Variants in CHLSN observed in about 807,000 individuals in gnomAD.
The protein encoded by CHLSN is cholesin.
the CHLSN span, among the ~76,000 whole-genome samples, chr7:1,117,800 G>A: frequency 0.53 from 79,957 of 150,752 alleles, 22,017 homozygotes; most frequent in African/African-American, 0.67. Context: ...ACATCGCTAC[G>A]GCTCTACCGA....
the CHLSN span, among the ~76,000 whole-genome samples, chr7:1,000,862 G>C: frequency 3.9e-5 from 6 of 152,228 alleles, no homozygotes; most frequent in Non-Finnish European, 4.4e-5. Context: ...GATTTTACAG[G>C]GGGGGAAGGA....
chr7:1,070,981 CA>C, the CHLSN span, among the ~76,000 whole-genome samples: 1 of 151,392 alleles, frequency 6.6e-6, no homozygotes, highest in African/African-American at 2.4e-5. Flanking sequence ...GGCACATGCA[CA>C]CGGGCACACA....
chr7:1,100,402 G>A, the CHLSN span, among the ~76,000 whole-genome samples: 1 of 152,264 alleles, frequency 6.6e-6, no homozygotes, highest in Admixed American at 6.5e-5. Context: ...AGCCACACCT[G>A]TGGGTGCAGG....
chr7:1,019,958 C>A, the CHLSN span, among the ~76,000 whole-genome samples: 3 of 152,230 alleles, frequency 2.0e-5, no homozygotes, highest in Non-Finnish European at 4.4e-5. Context: ...CCACGGGGCA[C>A]CTGGACGAGG....
the CHLSN span, among the ~76,000 whole-genome samples, chr7:1,086,110 G>A: frequency 0.017 from 2,624 of 152,320 alleles, 91 homozygotes; most frequent in East Asian, 0.17. Context: ...CCACTCGCCC[G>A]CCCAGGGCAG....
the CHLSN span, among the ~76,000 whole-genome samples, chr7:1,019,819 G>A: frequency 1.3e-5 from 2 of 152,338 alleles, no homozygotes; most frequent in East Asian, 3.9e-4. Flanking sequence ...GGGCTGCCTG[G>A]GGTCACCCAC....
the CHLSN span, among the ~76,000 whole-genome samples, chr7:1,103,076 G>A: frequency 6.6e-6 from 1 of 152,350 alleles, no homozygotes; most frequent in Non-Finnish European, 1.5e-5. Context: ...GCGGGCCGGG[G>A]TCTGGATGGG....
chr7:1,066,775 A>C, the CHLSN span, among the ~76,000 whole-genome samples: 4 of 152,290 alleles, frequency 2.6e-5, no homozygotes, highest in East Asian at 7.7e-4. Context: ...ACATGCCCCA[A>C]AGGAGAGGGT....
At chr7:985,159 C>A in the CHLSN span, 10 of 1,589,236 alleles carry the variant, frequency 6.3e-6, no homozygotes, top group Non-Finnish European at 8.6e-6. Flanking sequence ...GCCCGTCTCC[C>A]TCGCAGGCCG....
the CHLSN span, among the ~76,000 whole-genome samples, chr7:1,077,096 G>A: frequency 6.6e-6 from 1 of 152,368 alleles, no homozygotes; most frequent in Non-Finnish European, 1.5e-5. Context: ...GCGCTCTTGG[G>A]CTTACAAAGG....
At chr7:1,088,748 T>G in the CHLSN span, among the ~76,000 whole-genome samples, 350 of 152,334 alleles carry the variant, frequency 2.3e-3, 1 homozygote, top group African/African-American at 8.0e-3. This position sits in a 1 kb window ranked among gnomAD's most constrained non-coding sequence, Gnocchi z 4.5. Context: ...AAAGTGTGGC[T>G]TTATTTCTCT....
chr7:992,409 G>C, the CHLSN span, among the ~76,000 whole-genome samples: 1 of 152,244 alleles, frequency 6.6e-6, no homozygotes, highest in Non-Finnish European at 1.5e-5. Flanking sequence ...AGTAAGCTCG[G>C]AGGGTGAGGC....
At chr7:1,059,032 G>A in the CHLSN span, 1 of 177,106 alleles carries the variant, frequency 5.6e-6, no homozygotes, top group Non-Finnish European at 1.4e-5. Context: ...GTCACCACAG[G>A]GTTCTGAGAA....
the CHLSN span, among the ~76,000 whole-genome samples, chr7:1,124,677 A>C: frequency 1.3e-5 from 2 of 151,732 alleles, 1 homozygote; most frequent in South Asian, 4.2e-4. Flanking sequence ...ACTAACCTGC[A>C]CAATGTGCAC....
At chr7:987,666 C>A in the CHLSN span, 2 of 913,130 alleles carry the variant, frequency 2.2e-6, no homozygotes, top group Non-Finnish European at 3.2e-6. Context: ...CAATAAAGGG[C>A]GTCCAGCCAG....
chr7:1,001,337 T>A, the CHLSN span, among the ~76,000 whole-genome samples: 2 of 151,164 alleles, frequency 1.3e-5, no homozygotes, highest in Non-Finnish European at 2.9e-5. Flanking sequence ...GTGAGTGGAG[T>A]CCTGTGGGTG....
At chr7:1,114,534 G>A in the CHLSN span, among the ~76,000 whole-genome samples, 3 of 152,246 alleles carry the variant, frequency 2.0e-5, no homozygotes, top group African/African-American at 4.8e-5. Flanking sequence ...GGTTGGACAC[G>A]GCTGCCCCCG....
the CHLSN span, among the ~76,000 whole-genome samples, chr7:1,098,136 A>G: frequency 0.012 from 1,780 of 152,314 alleles, 25 homozygotes; most frequent in African/African-American, 0.04. Context: ...TAGGAAGCCC[A>G]CACTGGAGTG....
chr7:1,103,040 T>C, the CHLSN span, among the ~76,000 whole-genome samples: 1 of 152,212 alleles, frequency 6.6e-6, no homozygotes, highest in Non-Finnish European at 1.5e-5. Context: ...GCCCACCACA[T>C]GTCTGAGAGC....
Sources: allele counts gnomAD v4.1 joint callset (sites outside exome capture counted in the v4.1 genomes callset), GRCh38; gene constraint gnomAD v4.1.1; non-coding constraint Gnocchi (gnomAD v3.1); transcripts MANE v1.5; gene names NCBI Gene and HGNC (gene_info 2026-07-23, HGNC 2026-07-21).